Variants in CALN1 observed in about 807,000 individuals in gnomAD.
The protein encoded by CALN1 is calcium-binding protein 8.
CALN1 carries 17 observed loss-of-function variants against 30.6 expected under a neutral mutation model. That is an observed-to-expected ratio of 0.56 (90% CI 0.38 to 0.83). The LOEUF (loss-of-function observed/expected upper bound fraction) is 0.83, where lower values mean the gene tolerates loss of function less well. CALN1 is among the 40% of genes least tolerant of loss of function. The pLI is 0.00. For missense variants in CALN1, 291 were observed against 354.9 expected (o/e 0.82, Z 1.45); for synonymous variants, 156 against 131.4 (o/e 1.19, Z -1.28).
intron 2 of CALN1, among the ~76,000 whole-genome samples, chr7:72,363,724 C>CTTTTTTT: frequency 8.9e-6 from 1 of 111,858 alleles, no homozygotes; most frequent in Non-Finnish European, 1.8e-5. Flanking sequence ...TTAAAAAAAA[C>CTTTTTTT]TTTTTTTTTT....
chr7:72,301,436 T>C (rs1413221162), intron 2 of CALN1, among the ~76,000 whole-genome samples: 1 of 151,706 alleles, frequency 6.6e-6, no homozygotes, highest in Non-Finnish European at 1.5e-5. Context: ...GGTGAAACCC[T>C]GTCTCTACTA....
chr7:72,161,738 G>T (rs559896612), intron 3 of CALN1, among the ~76,000 whole-genome samples: 5 of 152,128 alleles, frequency 3.3e-5, no homozygotes, highest in Middle Eastern at 3.4e-3. Flanking sequence ...GACACAGGGA[G>T]GGGAGCAACA....
intron 3 of CALN1, among the ~76,000 whole-genome samples, chr7:72,125,799 C>CTTTTTTT (rs61475416): frequency 5.8e-4 from 66 of 114,756 alleles, no homozygotes; most frequent in Non-Finnish European, 8.7e-4. Context: ...CTGTATCATT[C>CTTTTTTT]TTTTTTTTTT....
rs550119824 is a variant in CALN1, at chr7:71,961,787, A to G, written c.501+61870T>C. The stretch of plus-strand genomic sequence containing the variant: ...AAGAAATTCAAGGGCAGCAGAAGAG[A>G]GAGGGCAGGGTCCTCCTCCCCTGCA... On this transcript the variant is annotated intron_variant, in intron 5 of 6. Transcript: ENST00000395275. 1.1e-4 allele frequency among the ~76,000 whole-genome samples: 17 copies of G among 152,080 alleles called. 1 individual carries two copies. The highest frequency in any genetic ancestry group is 2.1e-4 in the Non-Finnish European group (14 of 68,028).
At chr7:72,155,796 G>T (rs1397488180) in intron 3 of CALN1, among the ~76,000 whole-genome samples, 3 of 152,110 alleles carry the variant, frequency 2.0e-5, no homozygotes, top group African/African-American at 7.2e-5. Flanking sequence ...AGTCTTATGG[G>T]GCTCAAAGCA....
rs531912379 is a variant in CALN1, at chr7:72,180,749, C to T, written c.245-74455G>A. On this transcript the variant is annotated intron_variant, in intron 3 of 6. Coordinates refer to ENST00000395275, the MANE Select transcript of CALN1 (RefSeq NM_031468.4). ...CAGCCTCCCACGTAGCTGAAGGCTACCACCTACCACGCCGGGCTTGTTTAT... is the reference window on the plus strand; with the variant it reads ...CAGCCTCCCACGTAGCTGAAGGCTATCACCTACCACGCCGGGCTTGTTTAT... Among the ~76,000 whole-genome samples the T allele has an allele frequency of 3.2e-4, 48 of 151,428 alleles. 1 individual carries two copies. The South Asian group carries it at 8.6e-3, about 27-fold the overall frequency.
At position 72,067,398 on chromosome 7, in the gene CALN1, A is replaced by G. The variant is rs546888656; in HGVS notation, c.388+38753T>C. Among the ~76,000 whole-genome samples the G allele has an allele frequency of 4.6e-5, 7 of 151,958 alleles. No individual in the cohort carries two copies. In the East Asian group the frequency reaches 1.4e-3, roughly 30 times the overall value. Reference sequence around the variant, plus strand: ...CTGGGACTACAGATGCTATATTACCATGCCCAGCCAATTTTTTCTATTATT... The same window carrying G: ...CTGGGACTACAGATGCTATATTACCGTGCCCAGCCAATTTTTTCTATTATT... On this transcript the variant is annotated intron_variant, in intron 4 of 6. Transcript: ENST00000395275.
rs148119293 is a variant in CALN1, at chr7:71,812,194, C to T, written c.502-1702G>A. On this transcript the variant is annotated intron_variant, in intron 5 of 6. Coordinates refer to ENST00000395275, the MANE Select transcript of CALN1 (RefSeq NM_031468.4). ...CAGCTGAATCACAATGGACAGCTCACGTCAGGAATACCCTGTGTTGTTATG... is the reference window on the plus strand; with the variant it reads ...CAGCTGAATCACAATGGACAGCTCATGTCAGGAATACCCTGTGTTGTTATG... 1.4e-4 allele frequency among the ~76,000 whole-genome samples: 21 copies of T among 152,304 alleles called. No homozygotes were observed. The East Asian group carries it at 2.9e-3, about 21-fold the overall frequency.
intron 3 of CALN1, among the ~76,000 whole-genome samples, chr7:72,138,299 A>G (rs896999534): frequency 1.3e-5 from 2 of 151,758 alleles, no homozygotes; most frequent in Non-Finnish European, 2.9e-5. Context: ...TTTTTTTTTT[A>G]AACGTCTCCA....
chr7:72,321,184 GT>G lies in CALN1; in HGVS notation c.120-42375del, dbSNP rs1585478276. Among the ~76,000 whole-genome samples the G allele has an allele frequency of 7.7e-5, 5 of 64,802 alleles. No individual in the cohort carries two copies. In the East Asian group the frequency reaches 1.7e-3, roughly 22 times the overall value. The allele number at this position is 64,802 out of a possible 152,430, so 42.5% of individuals were successfully genotyped here. A position where few individuals can be genotyped will look rare whatever the true frequency, so the allele number is the denominator to read the frequency against. On this transcript the variant is annotated intron_variant, in intron 2 of 6. Coordinates refer to ENST00000395275, the MANE Select transcript of CALN1 (RefSeq NM_031468.4). ...AATGCACACACCCTGAAAAAGCACTGTCTATTTGAGTCCTTGAGTTTCGCAT... is the reference window on the plus strand; with the variant it reads ...AATGCACACACCCTGAAAAAGCACTGCTATTTGAGTCCTTGAGTTTCGCAT...
chr7:72,318,282 A>G (rs1479860840), intron 2 of CALN1, among the ~76,000 whole-genome samples: 2 of 151,684 alleles, frequency 1.3e-5, no homozygotes, highest in Admixed American at 1.3e-4. Flanking sequence ...AATTCAAGGG[A>G]CTGAAAGAAG....
chr7:71,840,860 G>A lies in CALN1; in HGVS notation c.502-30368C>T, dbSNP rs3735359. On this transcript the variant is annotated intron_variant, in intron 5 of 6. Transcript: ENST00000395275. Reference sequence around the variant, plus strand: ...GGTAATATATGATAGCATTTTGGAGGGAAAACCACATTTTGGATACATCCT... The same window carrying A: ...GGTAATATATGATAGCATTTTGGAGAGAAAACCACATTTTGGATACATCCT... 7.8e-4 allele frequency among the ~76,000 whole-genome samples: 119 copies of A among 152,094 alleles called. 1 individual carries two copies. In the East Asian group the frequency reaches 0.022, roughly 28 times the overall value.
At chr7:72,306,546 G>GC (rs994105810) in intron 2 of CALN1, among the ~76,000 whole-genome samples, 7 of 150,430 alleles carry the variant, frequency 4.7e-5, no homozygotes, top group Admixed American at 2.0e-4. Flanking sequence ...CGCCCACCTG[G>GC]CCTTCCAATC....
In CALN1 at chr7:71,864,097, C is replaced by G. The variant is rs138164912; in HGVS notation, c.502-53605G>C. On this transcript the variant is annotated intron_variant, in intron 5 of 6. Transcript: ENST00000395275. ...TTAATGTTTAAATAAGATCCTCCCC[C>G]CCGATTACAATTCTTCAAATAGCTT... is the stretch of plus-strand genomic sequence containing the variant. 3.3e-5 allele frequency among the ~76,000 whole-genome samples: 5 copies of G among 152,174 alleles called. 1 individual carries two copies. The highest frequency in any genetic ancestry group is 2.0e-4 in the Admixed American group (3 of 15,272).
chr7:71,898,972 T>C lies in CALN1; in HGVS notation c.502-88480A>G, dbSNP rs79331715. 1.9e-3 allele frequency among the ~76,000 whole-genome samples: 289 copies of C among 152,176 alleles called. 1 individual carries two copies. The highest frequency in any genetic ancestry group is 6.7e-3 in the African/African-American group (278 of 41,538). On this transcript the variant is annotated intron_variant, in intron 5 of 6. Coordinates refer to ENST00000395275, the MANE Select transcript of CALN1 (RefSeq NM_031468.4). ...ATTACAGTTATTGAACTGTATAGAA[T>C]CATATATCCATAGAAGCTAAGAGAC...
At chr7:71,986,105 T>C (rs953252422) in intron 5 of CALN1, among the ~76,000 whole-genome samples, 15 of 152,100 alleles carry the variant, frequency 9.9e-5, no homozygotes, top group Non-Finnish European at 1.9e-4. Context: ...TGGAGTGCAG[T>C]GGCACTATCT....
intron 1 of CALN1, among the ~76,000 whole-genome samples, chr7:72,404,739 TAGA>T (rs1806585675): frequency 6.6e-6 from 1 of 152,148 alleles, no homozygotes; most frequent in Admixed American, 6.5e-5. Flanking sequence ...AGTCAGCTCT[TAGA>T]AGATCAGGCT....
At chr7:72,483,400 T>C in the CALN1 span, among the ~76,000 whole-genome samples, 3 of 150,282 alleles carry the variant, frequency 2.0e-5, no homozygotes, top group South Asian at 4.3e-4. Context: ...TTCTCCTATC[T>C]CAGCCTCCTG....
chr7:72,235,211 C>T (rs1363161442), intron 3 of CALN1, among the ~76,000 whole-genome samples: 2 of 151,838 alleles, frequency 1.3e-5, no homozygotes, highest in African/African-American at 4.8e-5. Flanking sequence ...GAGTTGGAGG[C>T]CACAGTGAGC....
Sources: allele counts gnomAD v4.1 joint callset (sites outside exome capture counted in the v4.1 genomes callset), GRCh38; gene constraint gnomAD v4.1.1; transcripts MANE v1.5; gene names NCBI Gene and HGNC (gene_info 2026-07-23, HGNC 2026-07-21).